Variants in ERC2 observed in about 807,000 individuals in gnomAD.
ERC2 encodes the protein ELKS/RAB6-interacting/CAST family member 2.
Under a neutral mutation model 114.8 loss-of-function variants are expected in ERC2, and 42 were observed. The observed-to-expected ratio is 0.37, with a 90% CI of 0.29 to 0.47. ERC2 has a LOEUF of 0.47. Ranked by LOEUF, ERC2 falls within the 20% of genes least tolerant of loss-of-function variation. The pLI is 0.99. For synonymous variants in ERC2, 454 were observed against 425.5 expected (o/e 1.07, Z -0.82); for missense variants, 939 against 1,150.7 (o/e 0.82, Z 2.66).
intron 17 of ERC2, among the ~76,000 whole-genome samples, chr3:55,626,622 C>G (rs1045615752): frequency 3.9e-5 from 6 of 152,214 alleles, no homozygotes; most frequent in African/African-American, 1.4e-4. Flanking sequence ...GGCTTCTCAC[C>G]AATCCTTTGG....
At chr3:56,302,700 A>G (rs187502965) in intron 2 of ERC2, among the ~76,000 whole-genome samples, 2 of 152,312 alleles carry the variant, frequency 1.3e-5, no homozygotes, top group Admixed American at 1.3e-4. Context: ...CATTCATTTC[A>G]TCTTGTTACC....
intron 2 of ERC2, among the ~76,000 whole-genome samples, chr3:56,408,325 G>A (rs2060806377): frequency 6.6e-6 from 1 of 152,190 alleles, no homozygotes; most frequent in Non-Finnish European, 1.5e-5. Context: ...ATGAGAAACT[G>A]AAGCACAGAC....
intron 3 of ERC2, among the ~76,000 whole-genome samples, chr3:56,204,979 C>T (rs890042596): frequency 9.9e-5 from 15 of 151,644 alleles, no homozygotes; most frequent in African/African-American, 3.2e-4. Context: ...ATTATAAAGC[C>T]ACATGCTGGA....
intron 17 of ERC2, among the ~76,000 whole-genome samples, chr3:55,568,983 C>T (rs933834346): frequency 6.6e-6 from 1 of 152,132 alleles, no homozygotes; most frequent in Non-Finnish European, 1.5e-5. Context: ...AGGAAAGCCC[C>T]GCCCCTAGAT....
chr3:55,565,796 A>G lies in ERC2; in HGVS notation c.*40-54520T>C, dbSNP rs74977039. On this transcript the variant is annotated intron_variant, in intron 17 of 17. Coordinates refer to ENST00000288221, the MANE Select transcript of ERC2 (RefSeq NM_015576.3). ...TTTAAAATAAAATACTTTCAGAAAT[A>G]ATCATTTGATTTCAGACTCTGAACT... is the stretch of plus-strand genomic sequence containing the variant. Among the ~76,000 whole-genome samples the G allele has an allele frequency of 9.7e-3, 1,480 of 152,340 alleles. 22 individuals are homozygous for G. Among genetic ancestry groups the G allele is most frequent in the African/African-American group, 0.033 (1,358 of 41,572 alleles).
intron 3 of ERC2, among the ~76,000 whole-genome samples, chr3:56,174,967 ACT>A (rs1372406701): frequency 2.6e-5 from 2 of 78,282 alleles, no homozygotes; most frequent in African/African-American, 3.9e-5. Flanking sequence ...ATGGAACGAG[ACT>A]CTGTCTAAAA....
chr3:55,731,224 C>T (rs1380919281), intron 15 of ERC2, among the ~76,000 whole-genome samples: 2 of 152,216 alleles, frequency 1.3e-5, no homozygotes, highest in Non-Finnish European at 2.9e-5. Context: ...TAGGTGTCAA[C>T]ATCTATCTGC....
At chr3:55,751,916 A>G (rs1056153145) in intron 14 of ERC2, among the ~76,000 whole-genome samples, 3 of 152,222 alleles carry the variant, frequency 2.0e-5, no homozygotes, top group African/African-American at 7.2e-5. Context: ...AACTTAGCAA[A>G]AAGAGGAAGT....
intron 14 of ERC2, among the ~76,000 whole-genome samples, chr3:55,808,777 A>AG: frequency 8.7e-6 from 1 of 115,444 alleles, no homozygotes; most frequent in Non-Finnish European, 1.8e-5. Flanking sequence ...TATATATATA[A>AG]TTGTGAGAGA....
intron 14 of ERC2, among the ~76,000 whole-genome samples, chr3:55,771,508 C>T (rs2068198514): frequency 6.6e-6 from 1 of 152,122 alleles, no homozygotes; most frequent in South Asian, 2.1e-4. Flanking sequence ...GACTTGAACC[C>T]AGGTCTGTTT....
At chr3:56,433,830 C>A in intron 2 of ERC2, 1 of 158,908 alleles carries the variant, frequency 6.3e-6, no homozygotes, top group Admixed American at 5.9e-5. Context: ...ATAACAAACC[C>A]ATTTGATCCA....
At chr3:55,999,449 T>C (rs2149542871) in intron 10 of ERC2, among the ~76,000 whole-genome samples, 1 of 152,260 alleles carries the variant, frequency 6.6e-6, no homozygotes, top group South Asian at 2.1e-4. Context: ...TTGTTTACTC[T>C]GACATAGTGT....
intron 2 of ERC2, among the ~76,000 whole-genome samples, chr3:56,313,274 CG>C (rs923533852): frequency 1.5e-4 from 22 of 151,160 alleles, no homozygotes; most frequent in African/African-American, 4.4e-4. Flanking sequence ...ATTAGACAGT[CG>C]TGATGGTTTC....
intron 13 of ERC2, among the ~76,000 whole-genome samples, chr3:55,932,831 C>T (rs1281072396): frequency 6.6e-6 from 1 of 152,118 alleles, no homozygotes; most frequent in Non-Finnish European, 1.5e-5. Flanking sequence ...GAGATACTTA[C>T]CTTTTAATAA....
chr3:56,399,335 T>C (rs183464823), intron 2 of ERC2, among the ~76,000 whole-genome samples: 25 of 152,300 alleles, frequency 1.6e-4, no homozygotes, highest in African/African-American at 6.0e-4. Context: ...TTCTGGCTTA[T>C]TACACATGCA....
At chr3:55,617,218 T>C (rs1321856093) in intron 17 of ERC2, among the ~76,000 whole-genome samples, 1 of 152,184 alleles carries the variant, frequency 6.6e-6, no homozygotes, top group Non-Finnish European at 1.5e-5. Context: ...CCCTAGAGAT[T>C]TGGGGCAAGA....
intron 2 of ERC2, among the ~76,000 whole-genome samples, chr3:56,315,193 AT>A (rs1455727822): frequency 1.3e-5 from 2 of 152,122 alleles, no homozygotes; most frequent in Non-Finnish European, 2.9e-5. Context: ...ACCTTTAAGG[AT>A]TTTTTCAGAT....
chr3:55,784,994 C>A (rs2069369346), intron 14 of ERC2, among the ~76,000 whole-genome samples: 1 of 152,094 alleles, frequency 6.6e-6, no homozygotes, highest in African/African-American at 2.4e-5. Context: ...ACCGAAGATG[C>A]ATGATAGAAA....
intron 14 of ERC2, among the ~76,000 whole-genome samples, chr3:55,789,267 C>T (rs2149072137): frequency 6.6e-6 from 1 of 152,342 alleles, no homozygotes; most frequent in African/African-American, 2.4e-5. Flanking sequence ...ACTTTCTTTA[C>T]TGCTTCCTAG....
Sources: allele counts gnomAD v4.1 joint callset (sites outside exome capture counted in the v4.1 genomes callset), GRCh38; gene constraint gnomAD v4.1.1; transcripts MANE v1.5; gene names NCBI Gene and HGNC (gene_info 2026-07-23, HGNC 2026-07-21).